The following WWOX variants were observed in gnomAD, a reference collection of about 807,000 sequenced individuals.
WWOX encodes the protein WW domain-containing oxidoreductase.
A neutral mutation model predicts 46.2 loss-of-function variants in WWOX; 69 were observed. That is an observed-to-expected ratio of 1.49 (90% CI 1.23 to 1.82). WWOX has a LOEUF of 1.82. Among genes scored for constraint, WWOX ranks in the 40% most tolerant of loss-of-function variants. The pLI is 0.00. For synonymous variants in WWOX, 359 were observed against 202.6 expected, an observed-to-expected ratio of 1.77 and a Z score of -6.56; for missense variants, 919 against 542.6, an observed-to-expected ratio of 1.69 and a Z score of -6.89.
intron 5 of WWOX, among the ~76,000 whole-genome samples, chr16:78,250,671 A>C (rs1424518553): frequency 6.6e-6 from 1 of 152,142 alleles, no homozygotes; most frequent in Admixed American, 6.5e-5. Flanking sequence ...TATAGGGGAG[A>C]GAGTCCAGTG....
rs189085944 is a variant in WWOX, at chr16:78,377,795, C to T, written c.517-9065C>T. ...TTTAATAGTTTTGCTTTCCATGGCA[C>T]GCAACTCATATACTAAATTAAATAA... is the stretch of plus-strand genomic sequence containing the variant. On this transcript the variant is annotated intron_variant, in intron 5 of 8. Transcript: ENST00000566780. Among the ~76,000 whole-genome samples the T allele has an allele frequency of 9.7e-4, 147 of 152,222 alleles. 1 individual carries two copies. The highest frequency in any genetic ancestry group is 6.8e-3 in the Middle Eastern group (2 of 294).
intron 8 of WWOX, among the ~76,000 whole-genome samples, chr16:78,452,112 A>G (rs979234899): frequency 1.3e-5 from 2 of 152,162 alleles, no homozygotes; most frequent in African/African-American, 4.8e-5. Flanking sequence ...GAATTAATAA[A>G]ATGATTTATG....
chr16:78,641,743 A>G (rs2046717833), intron 8 of WWOX, among the ~76,000 whole-genome samples: 1 of 152,172 alleles, frequency 6.6e-6, no homozygotes, highest in African/African-American at 2.4e-5. Context: ...CTGAGTAGCA[A>G]AAGACGAAGA....
chr16:78,854,606 C>T (rs2052525033), intron 8 of WWOX, among the ~76,000 whole-genome samples: 1 of 152,130 alleles, frequency 6.6e-6, no homozygotes, highest in Admixed American at 6.5e-5. Context: ...TTTGAAGCAG[C>T]ATGTTGCTTT....
chr16:79,088,753 C>T (rs1051012995), intron 8 of WWOX, among the ~76,000 whole-genome samples: 8 of 152,032 alleles, frequency 5.3e-5, no homozygotes, highest in Non-Finnish European at 5.9e-5. Context: ...TGCTACTTAC[C>T]GTGGGCTGCT....
intron 8 of WWOX, among the ~76,000 whole-genome samples, chr16:79,211,337 ATG>A (rs2051737924): frequency 6.6e-6 from 1 of 152,176 alleles, no homozygotes; most frequent in Non-Finnish European, 1.5e-5. Flanking sequence ...ACGTATTGAT[ATG>A]TGTATTTATT....
rs548298467 is a variant in WWOX at position 78,780,871 on chromosome 16, G to A, written c.1056+348119G>A. On this transcript the variant is annotated intron_variant, in intron 8 of 8. Coordinates refer to ENST00000566780, the MANE Select transcript of WWOX (RefSeq NM_016373.4). ...AAGCCACTGAAGGGCATTAAGCAGG[G>A]CAGTGATGTTTTTTAAAGATCTGTC... 2.0e-5 allele frequency among the ~76,000 whole-genome samples: 3 copies of A among 152,296 alleles called. No individual in the cohort carries two copies. In the East Asian group the frequency reaches 5.8e-4, roughly 29 times the overall value.
intron 8 of WWOX, among the ~76,000 whole-genome samples, chr16:78,766,162 C>T (rs192119802): frequency 5.3e-5 from 8 of 152,290 alleles, no homozygotes; most frequent in Admixed American, 4.6e-4. Context: ...GTTCCATTTG[C>T]CAGGGGCAGG....
At chr16:78,826,143 T>C (rs929251721) in intron 8 of WWOX, 15 of 262,924 alleles carry the variant, frequency 5.7e-5, no homozygotes, top group African/African-American at 2.7e-4. Flanking sequence ...TCACTTGAGG[T>C]CAAGAGTTCA....
intron 8 of WWOX, among the ~76,000 whole-genome samples, chr16:78,596,753 G>T (rs1264337372): frequency 6.6e-6 from 1 of 152,124 alleles, no homozygotes; most frequent in African/African-American, 2.4e-5. Context: ...TGAACGAAGG[G>T]TGCATGGTGA....
intron 8 of WWOX, among the ~76,000 whole-genome samples, chr16:78,616,444 G>A (rs140583556): frequency 2.6e-5 from 4 of 151,886 alleles, no homozygotes; most frequent in Admixed American, 6.6e-5. Flanking sequence ...ACTAGCAGAG[G>A]CAACTCTCTG....
At chr16:78,388,123 T>A (rs9927858) in intron 6 of WWOX, among the ~76,000 whole-genome samples, 4 of 152,104 alleles carry the variant, frequency 2.6e-5, no homozygotes, top group Admixed American at 1.3e-4. Flanking sequence ...CGTCCCACTG[T>A]GGGCCCAAGT....
intron 8 of WWOX, among the ~76,000 whole-genome samples, chr16:79,056,711 C>G (rs1449754194): frequency 6.6e-6 from 1 of 152,190 alleles, no homozygotes; most frequent in Non-Finnish European, 1.5e-5. Flanking sequence ...TGTCTCTTGG[C>G]TGGGATAAGT....
intron 8 of WWOX, among the ~76,000 whole-genome samples, chr16:78,947,732 C>T (rs2045977351): frequency 6.6e-6 from 1 of 152,134 alleles, no homozygotes. Context: ...AAAGAATGTG[C>T]CACCTAGATG....
chr16:78,105,536 G>A (rs1402490632), intron 1 of WWOX, among the ~76,000 whole-genome samples: 1 of 151,926 alleles, frequency 6.6e-6, no homozygotes, highest in Non-Finnish European at 1.5e-5. Flanking sequence ...GGCATGTTCT[G>A]TGAAAGTCAA....
intron 5 of WWOX, among the ~76,000 whole-genome samples, chr16:78,253,660 C>T (rs1005630572): frequency 3.3e-5 from 5 of 152,060 alleles, no homozygotes; most frequent in East Asian, 1.9e-4. Context: ...CCAAAGATAT[C>T]GTAAATATAT....
chr16:78,734,476 C>T lies in WWOX; in HGVS notation c.1056+301724C>T, dbSNP rs147715083. Reference sequence around the variant, plus strand: ...GTGCGTCCTTAAATCTTACGGTCTGCGGGTTGACATTTCTAGTGAAGGGAG... The same window carrying T: ...GTGCGTCCTTAAATCTTACGGTCTGTGGGTTGACATTTCTAGTGAAGGGAG... On this transcript the variant is annotated intron_variant, in intron 8 of 8. Transcript: ENST00000566780. Among the ~76,000 whole-genome samples the T allele has an allele frequency of 2.9e-3, 438 of 151,956 alleles. 4 individuals are homozygous for T. Among genetic ancestry groups the T allele is most frequent in the Middle Eastern group, 0.017 (5 of 292 alleles).
chr16:78,915,179 C>G (rs1020005821), intron 8 of WWOX, among the ~76,000 whole-genome samples: 1 of 152,124 alleles, frequency 6.6e-6, no homozygotes, highest in Non-Finnish European at 1.5e-5. Flanking sequence ...CCTCCCCATT[C>G]ACTCCACCAC....
At chr16:79,013,176 CCGCACAGCCCCA>C (rs927167838) in intron 8 of WWOX, among the ~76,000 whole-genome samples, 1 of 152,214 alleles carries the variant, frequency 6.6e-6, no homozygotes, top group African/African-American at 2.4e-5. Flanking sequence ...TTGCCGCCCA[CCGCACAGCCCCA>C]GGGCTTTAGC....
Sources: gnomAD v4.1 joint callset for allele counts (sites outside exome capture counted in the v4.1 genomes callset) on GRCh38, gnomAD v4.1.1 for gene constraint, MANE v1.5 for transcripts, NCBI Gene and HGNC (gene_info 2026-07-23, HGNC 2026-07-21) for gene names.